Variants in GPR137B observed in about 807,000 individuals in gnomAD.
GPR137B encodes integral membrane protein GPR137B.
GPR137B carries 42 observed loss-of-function variants against 42.5 expected under a neutral mutation model. The observed-to-expected ratio is 0.99, with a 90% CI of 0.77 to 1.28. GPR137B has a LOEUF of 1.28. Among genes scored for constraint, GPR137B ranks in the 50% most tolerant of loss-of-function variants. The pLI, the probability that GPR137B is intolerant of heterozygous loss-of-function variation, is 0.00. For missense variants in GPR137B, 487 were observed against 493.9 expected (o/e 0.99, Z 0.13); for synonymous variants, 218 against 209.7 (o/e 1.04, Z -0.34).
At chr1:236,191,232 C>A (rs2102919554) in intron 5 of GPR137B, among the ~76,000 whole-genome samples, 1 of 152,218 alleles carries the variant, frequency 6.6e-6, no homozygotes, top group Non-Finnish European at 1.5e-5. Flanking sequence ...TTCTAGGTAG[C>A]AATTCATCTA....
intron 5 of GPR137B, among the ~76,000 whole-genome samples, chr1:236,189,406 T>A (rs1217715280): frequency 2.0e-5 from 3 of 152,202 alleles, no homozygotes; most frequent in Admixed American, 6.5e-5. Context: ...TTAATTGTGA[T>A]GTTAGGGTGT....
intron 1 of GPR137B, among the ~76,000 whole-genome samples, chr1:236,159,696 G>C (rs1314855519): frequency 6.6e-6 from 1 of 152,204 alleles, no homozygotes; most frequent in Non-Finnish European, 1.5e-5. Context: ...TGAACAGACT[G>C]ATTTATGAGG....
chr1:236,167,048 G>C (rs1005399593), intron 1 of GPR137B, among the ~76,000 whole-genome samples: 4 of 152,174 alleles, frequency 2.6e-5, no homozygotes, highest in Non-Finnish European at 1.5e-5. Context: ...GCCGAGGGTA[G>C]GTTTAGGAAC....
chr1:236,178,779 C>T, intron 3 of GPR137B, 143 bp downstream of exon 3: 1 of 83,062 alleles, frequency 1.2e-5, no homozygotes, highest in Non-Finnish European at 3.0e-5. Flanking sequence ...ACAGGGGCTA[C>T]TCGAGGTTTT....
At chr1:236,160,199 G>C (rs1662146884) in intron 1 of GPR137B, among the ~76,000 whole-genome samples, 2 of 152,184 alleles carry the variant, frequency 1.3e-5, no homozygotes, top group African/African-American at 2.4e-5. Flanking sequence ...GCCTGATTCT[G>C]CTCCCCTCCC....
chr1:236,205,516 T>C (rs912486699), intron 6 of GPR137B, among the ~76,000 whole-genome samples: 14 of 152,314 alleles, frequency 9.2e-5, no homozygotes, highest in African/African-American at 3.1e-4. Flanking sequence ...TTAATAGTTA[T>C]GCTGTGCAAA....
At position 236,178,576 on chromosome 1, in the gene GPR137B, C is replaced by T. The variant is rs1338060599; in HGVS notation, c.627C>T (p.Leu209=). The T allele has an allele frequency of 6.2e-7, 1 of 1,612,862 alleles. No homozygotes were observed. The highest frequency in any genetic ancestry group is 1.3e-5 in the African/African-American group (1 of 74,872). The change falls in exon 3 of 7, where the codon CTC becomes CTT. Residue 209 remains leucine, a synonymous_variant. Transcript: ENST00000366592. ...DTLFVLCAVS[L]SICLYKISKM... Reference sequence around the variant, plus strand: ...TCTTCGTGCTGTGTGCCGTCTCTCTCTCCATCTGTCTCTACAAAATCTCTA... The same window carrying T: ...TCTTCGTGCTGTGTGCCGTCTCTCTTTCCATCTGTCTCTACAAAATCTCTA...
intron 5 of GPR137B, among the ~76,000 whole-genome samples, chr1:236,201,356 T>C (rs1663486782): frequency 6.6e-6 from 1 of 152,086 alleles, no homozygotes; most frequent in Non-Finnish European, 1.5e-5. Flanking sequence ...TTTCCTTGAT[T>C]ATTCCCTCAA....
At chr1:236,180,824 G>C (rs1662850391) in intron 4 of GPR137B, among the ~76,000 whole-genome samples, 1 of 151,926 alleles carries the variant, frequency 6.6e-6, no homozygotes, top group Non-Finnish European at 1.5e-5. Context: ...CACCATGTTG[G>C]CCAGGCTGGT....
intron 1 of GPR137B, among the ~76,000 whole-genome samples, chr1:236,146,356 T>C (rs1284187978): frequency 6.6e-6 from 1 of 151,954 alleles, no homozygotes; most frequent in Non-Finnish European, 1.5e-5. Context: ...GAAGCAGGTG[T>C]CTGGAGGCTG....
intron 2 of GPR137B, among the ~76,000 whole-genome samples, 162 bp downstream of exon 2, chr1:236,168,917 C>T (rs1474990322): frequency 6.6e-6 from 1 of 152,180 alleles, no homozygotes; most frequent in Non-Finnish European, 1.5e-5. Flanking sequence ...ATGTGCATTG[C>T]CGGTAAGGGT....
rs12402200 is a variant in GPR137B at position 236,148,327 on chromosome 1, G to A, written c.414+5291G>A. 0.014 allele frequency among the ~76,000 whole-genome samples: 2,096 copies of A among 152,294 alleles called. 148 individuals carry two copies. In the East Asian group the frequency reaches 0.22, roughly 16 times the overall value. ...CAGGGGCAGAAGTTGATGTGGCGGT[G>A]GGCTCGGTGACACCTCGGCAGCCAC... On this transcript the variant is annotated intron_variant, in intron 1 of 6. Transcript: ENST00000366592.
rs753191963 is a variant in GPR137B at position 236,171,123 on chromosome 1, A to G, written c.464+2368A>G. Among the ~76,000 whole-genome samples, 1 of 152,224 alleles carries G rather than the reference A, an allele frequency of 6.6e-6. No individual in the cohort carries two copies. Among genetic ancestry groups the G allele is most frequent in the Non-Finnish European group, 1.5e-5 (1 of 68,040 alleles). On this transcript the variant is annotated intron_variant, in intron 2 of 6. Transcript: ENST00000366592. This position sits in a 1 kb window ranked among gnomAD's most constrained non-coding sequence, Gnocchi z 4.4. ...AAGGCAACTTTATACAACATTTTAA[A>G]TAACTCAGCATAAAACAGTTGTAAC... is the stretch of plus-strand genomic sequence containing the variant.
At chr1:236,176,109 A>G (rs1233338134) in intron 2 of GPR137B, among the ~76,000 whole-genome samples, 2 of 152,130 alleles carry the variant, frequency 1.3e-5, no homozygotes, top group Non-Finnish European at 2.9e-5. Flanking sequence ...TGCCCCTCTC[A>G]TGCCCACAGT....
At chr1:236,199,739 T>A (rs1303146031) in intron 5 of GPR137B, among the ~76,000 whole-genome samples, 3 of 152,028 alleles carry the variant, frequency 2.0e-5, no homozygotes, top group African/African-American at 7.3e-5. Context: ...CTTATTTGGA[T>A]CTTCTGTCTT....
At chr1:236,181,187 C>T (rs1318895134) in intron 4 of GPR137B, among the ~76,000 whole-genome samples, 1 of 152,044 alleles carries the variant, frequency 6.6e-6, no homozygotes, top group Non-Finnish European at 1.5e-5. Context: ...CAATATGATA[C>T]TCTTTTTAAA....
rs1250268907 is a variant in GPR137B, at chr1:236,170,014, T to C, written c.464+1259T>C. The stretch of plus-strand genomic sequence containing the variant: ...AAGATTGCACCACTGTGCTGCAGCC[T>C]GGGCAACAGAGTGAGAATCCATCTC... On this transcript the variant is annotated intron_variant, in intron 2 of 6. Transcript: ENST00000366592. Among the ~76,000 whole-genome samples, 4 of 125,708 alleles carry C rather than the reference T, an allele frequency of 3.2e-5. No homozygotes were observed. In the Admixed American group the frequency reaches 4.3e-4, roughly 14 times the overall value. 82.5% of individuals were successfully genotyped at this position (125,708 alleles called of 152,430 possible). A position where few individuals can be genotyped will look rare whatever the true frequency, so the allele number is the denominator to read the frequency against.
intron 5 of GPR137B, among the ~76,000 whole-genome samples, chr1:236,196,975 TACCC>T (rs1663357583): frequency 1.3e-5 from 2 of 152,216 alleles, no homozygotes; most frequent in Non-Finnish European, 2.9e-5. Context: ...TCTGGGTAGA[TACCC>T]AGTAAGTGGG....
intron 1 of GPR137B, among the ~76,000 whole-genome samples, chr1:236,157,306 G>A (rs981631004): frequency 6.6e-6 from 1 of 151,172 alleles, no homozygotes; most frequent in African/African-American, 2.4e-5. Context: ...CTCACTGCAA[G>A]CTCCGCCTCC....
Sources: gnomAD v4.1 joint callset for allele counts (sites outside exome capture counted in the v4.1 genomes callset) on GRCh38, gnomAD v4.1.1 for gene constraint, Gnocchi (gnomAD v3.1) non-coding constraint, MANE v1.5 for transcripts, NCBI Gene and HGNC (gene_info 2026-07-23, HGNC 2026-07-21) for gene names.